Variants in UHRF2 observed in about 807,000 individuals in gnomAD.
The protein encoded by UHRF2 is E3 ubiquitin-protein ligase UHRF2.
Under a neutral mutation model 96.8 loss-of-function variants are expected in UHRF2, and 23 were observed. The ratio of observed to expected loss-of-function variants is 0.24; its 90% CI spans 0.17 to 0.34. The LOEUF is 0.34. Ranked by LOEUF, UHRF2 falls within the 10% of genes least tolerant of loss-of-function variation. The pLI, the probability that UHRF2 is intolerant of heterozygous loss-of-function variation, is 1.00. For synonymous variants in UHRF2, 385 were observed against 332.6 expected, an observed-to-expected ratio of 1.16 and a Z score of -1.72; for missense variants, 685 against 981.5, an observed-to-expected ratio of 0.70 and a Z score of 4.04.
intron 3 of UHRF2, among the ~76,000 whole-genome samples, chr9:6,453,713 G>A (rs972591281): frequency 1.6e-4 from 25 of 152,060 alleles, no homozygotes; most frequent in African/African-American, 6.0e-4. Flanking sequence ...GACCATCCTG[G>A]CTAACATGGT....
chr9:6,446,282 A>G (rs1425515707), intron 3 of UHRF2, among the ~76,000 whole-genome samples: 1 of 151,616 alleles, frequency 6.6e-6, no homozygotes, highest in African/African-American at 2.4e-5. Flanking sequence ...TCCCAGGTAG[A>G]TGGAATTACA....
At chr9:6,434,252 A>C (rs1330168154) in intron 3 of UHRF2, 79 bp downstream of exon 3, 2 of 1,472,592 alleles carry the variant, frequency 1.4e-6, no homozygotes, top group Admixed American at 2.3e-5. Flanking sequence ...AGATTATTTT[A>C]AATAGTCTTT....
Position 6,421,102 on chromosome 9 carries a change from C to G in UHRF2, c.344C>G (p.Ala115Gly). Residue 115 changes from alanine to glycine, a missense_variant, in exon 2 of 16, where the codon GCT (alanine) becomes GGT (glycine). By Grantham distance (60) the Ala-to-Gly change is moderately conservative. Coordinates refer to ENST00000276893, the MANE Select transcript of UHRF2 (RefSeq NM_152896.3). ...CCTTCCAATCAGCCATCTACATCAG[C>G]TCGTGCCCGTCTTATTGATCCTGGC... ...VGPSNQPSTS[A>G]RARLIDPGFG... 1 of 1,614,106 alleles carries G rather than the reference C, an allele frequency of 6.2e-7. No individual in the cohort carries two copies. The highest frequency in any genetic ancestry group is 1.1e-5 in the South Asian group (1 of 91,074).
chr9:6,432,902 A>T (rs921917129), intron 2 of UHRF2, among the ~76,000 whole-genome samples: 2 of 151,136 alleles, frequency 1.3e-5, no homozygotes, highest in Admixed American at 6.6e-5. Flanking sequence ...GTGCACTGGC[A>T]CGATCTCCGT....
chr9:6,500,015 C>G, intron 13 of UHRF2, 84 bp downstream of exon 13: 2 of 1,094,186 alleles, frequency 1.8e-6, no homozygotes, highest in Non-Finnish European at 2.7e-6. Flanking sequence ...TCTTGTCACC[C>G]AGGCTGGAGT....
intron 2 of UHRF2, 77 bp downstream of exon 2, chr9:6,421,219 T>C: frequency 9.2e-7 from 1 of 1,087,392 alleles, no homozygotes; most frequent in South Asian, 1.6e-5. Flanking sequence ...TTTGAATAAG[T>C]AAACATTGAT....
At chr9:6,452,863 A>G (rs1226830221) in intron 3 of UHRF2, among the ~76,000 whole-genome samples, 1 of 152,192 alleles carries the variant, frequency 6.6e-6, no homozygotes, top group East Asian at 1.9e-4. Context: ...GTGGAGCTTT[A>G]GAGTTGTCAC....
At chr9:6,443,760 A>T (rs1172944124) in intron 3 of UHRF2, among the ~76,000 whole-genome samples, 1 of 152,196 alleles carries the variant, frequency 6.6e-6, no homozygotes, top group Non-Finnish European at 1.5e-5. Flanking sequence ...TTACCATGGG[A>T]TTGAAATCAA....
chr9:6,473,805 CTTTATT>C (rs1823393732), intron 4 of UHRF2, among the ~76,000 whole-genome samples: 1 of 152,178 alleles, frequency 6.6e-6, no homozygotes, highest in African/African-American at 2.4e-5. Context: ...TCTAATAAAA[CTTTATT>C]TTTAAAGTTT....
intron 9 of UHRF2, among the ~76,000 whole-genome samples, chr9:6,490,182 C>G (rs1824573842): frequency 6.6e-6 from 1 of 152,056 alleles, no homozygotes; most frequent in Non-Finnish European, 1.5e-5. Flanking sequence ...AGACTTGGGC[C>G]AAATTATTTA....
intron 14 of UHRF2, among the ~76,000 whole-genome samples, chr9:6,502,914 A>G (rs756583276): frequency 7.2e-5 from 11 of 152,206 alleles, no homozygotes; most frequent in Non-Finnish European, 1.5e-4. Context: ...TTAATGATCC[A>G]TGTTCATAAA....
At chr9:6,496,932 T>C (rs1024684188) in intron 10 of UHRF2, 2 of 315,154 alleles carry the variant, frequency 6.3e-6, no homozygotes, top group Admixed American at 4.5e-5. Context: ...TTTTCTATTA[T>C]ACGTGGCACA....
chr9:6,481,863 C>G, intron 7 of UHRF2, 97 bp downstream of exon 7: 1 of 1,538,304 alleles, frequency 6.5e-7, no homozygotes, highest in Non-Finnish European at 8.8e-7. Flanking sequence ...TAAACAGTAT[C>G]ATTATTTGTT....
chr9:6,459,440 G>A (rs958892687), intron 3 of UHRF2, among the ~76,000 whole-genome samples: 1 of 152,024 alleles, frequency 6.6e-6, no homozygotes, highest in African/African-American at 2.4e-5. Context: ...AGACTGAGGC[G>A]GGTGGATCAC....
intron 3 of UHRF2, among the ~76,000 whole-genome samples, chr9:6,444,761 C>G (rs1299883956): frequency 1.3e-5 from 2 of 152,102 alleles, no homozygotes; most frequent in East Asian, 1.9e-4. Flanking sequence ...CACTACCACG[C>G]CTGCCTAATT....
At chr9:6,414,088 C>A (rs977291942) in intron 1 of UHRF2, 2 of 154,658 alleles carry the variant, frequency 1.3e-5, no homozygotes, top group African/African-American at 4.8e-5. Context: ...GCGGCTCTTC[C>A]GCGTCTTCGG....
intron 1 of UHRF2, among the ~76,000 whole-genome samples, chr9:6,416,190 A>G (rs1224498003): frequency 6.6e-6 from 1 of 152,134 alleles, no homozygotes; most frequent in African/African-American, 2.4e-5. Flanking sequence ...CAGTCTCCCA[A>G]GTAGCTGGGA....
intron 15 of UHRF2, among the ~76,000 whole-genome samples, chr9:6,505,405 C>G (rs1587893593): frequency 1.3e-5 from 2 of 152,098 alleles, no homozygotes; most frequent in African/African-American, 2.4e-5. Flanking sequence ...AAGCAAGTCT[C>G]CTGTCTCAGC....
At chr9:6,415,135 G>A (rs1157420023) in intron 1 of UHRF2, 2 of 152,206 alleles carry the variant, frequency 1.3e-5, no homozygotes, top group Non-Finnish European at 2.9e-5. Context: ...AATGAAGGAT[G>A]TTCTTGGGCA....
Sources: allele counts gnomAD v4.1 joint callset (sites outside exome capture counted in the v4.1 genomes callset), GRCh38; gene constraint gnomAD v4.1.1; transcripts MANE v1.5; gene names NCBI Gene and HGNC (gene_info 2026-07-23, HGNC 2026-07-21).